The following FAT3 variants were observed in gnomAD, a reference collection of about 807,000 sequenced individuals.
FAT3 encodes FAT atypical cadherin 3.
Under a neutral mutation model 310.2 loss-of-function variants are expected in FAT3, and 95 were observed. The ratio of observed to expected loss-of-function variants is 0.31; its 90% CI spans 0.26 to 0.36. The LOEUF is 0.36. FAT3 is among the 10% of genes least tolerant of loss of function. The pLI, the probability that FAT3 is intolerant of heterozygous loss-of-function variation, is 1.00. For missense variants in FAT3, 5,408 were observed against 5,715.6 expected (o/e 0.95, Z 1.74); for synonymous variants, 2,314 against 2,192.9 (o/e 1.06, Z -1.54).
rs1387778812 is a variant in FAT3 at position 92,867,183 on chromosome 11, G to A, written c.12101G>A (p.Gly4034Asp). 8.8e-6 allele frequency: 14 copies of A among 1,586,428 alleles called. No individual in the cohort carries two copies. The highest frequency in any genetic ancestry group is 2.3e-5 in the East Asian group (1 of 43,904). Residue 4034 changes from glycine (G) to aspartate (D), a missense_variant, in exon 22 of 28, where the codon GGC becomes GAC. Physicochemically the swap from Gly to Asp is moderately conservative, Grantham distance 94. Coordinates refer to ENST00000525166, the MANE Select transcript of FAT3 (RefSeq NM_001367949.2). ...ACKRSPCQHGGSCTGLPSGGY... is the reference protein window; with the variant it reads ...ACKRSPCQHGDSCTGLPSGGY... ...AAGCGCAGCCCGTGCCAGCACGGGGGCAGCTGCACTGGCCTGCCATCGGGG... is the reference window on the plus strand; with the variant it reads ...AAGCGCAGCCCGTGCCAGCACGGGGACAGCTGCACTGGCCTGCCATCGGGG...
intron 20 of FAT3, among the ~76,000 whole-genome samples, chr11:92,858,559 A>T (rs1949042585): frequency 6.6e-6 from 1 of 152,234 alleles, no homozygotes; most frequent in Admixed American, 6.5e-5. Context: ...TAAAAAAAAG[A>T]GTAAACTCAG....
chr11:92,591,259 T>C (rs1939410854), intron 3 of FAT3, among the ~76,000 whole-genome samples: 1 of 152,162 alleles, frequency 6.6e-6, no homozygotes, highest in South Asian at 2.1e-4. Flanking sequence ...AAGTTTAATA[T>C]CCCTCTTCTC....
At chr11:92,689,064 G>A (rs1943719256) in intron 3 of FAT3, among the ~76,000 whole-genome samples, 1 of 152,148 alleles carries the variant, frequency 6.6e-6, no homozygotes, top group South Asian at 2.1e-4. Flanking sequence ...TATGTGCCAG[G>A]AACCATGCTA....
chr11:92,357,639 A>C (rs1226086970), intron 2 of FAT3, among the ~76,000 whole-genome samples: 1 of 152,082 alleles, frequency 6.6e-6, no homozygotes, highest in Non-Finnish European at 1.5e-5. Context: ...TGAATCATTC[A>C]CCACTGCTAT....
At chr11:92,371,366 G>T (rs540341368) in intron 2 of FAT3, among the ~76,000 whole-genome samples, 1 of 150,010 alleles carries the variant, frequency 6.7e-6, no homozygotes, top group Non-Finnish European at 1.5e-5. Context: ...GAATCTGAAG[G>T]CTTAATCTTG....
intron 3 of FAT3, among the ~76,000 whole-genome samples, chr11:92,682,229 A>C (rs1943501417): frequency 6.6e-6 from 1 of 152,206 alleles, no homozygotes; most frequent in Non-Finnish European, 1.5e-5. Context: ...AGTAATTTAG[A>C]ATTGTTATGA....
chr11:92,481,916 CATAAA>C (rs1324983944), intron 2 of FAT3, among the ~76,000 whole-genome samples: 2 of 152,118 alleles, frequency 1.3e-5, no homozygotes, highest in African/African-American at 2.4e-5. Flanking sequence ...TGAAAGCACA[CATAAA>C]GTATAATTTA....
intron 22 of FAT3, among the ~76,000 whole-genome samples, chr11:92,876,217 G>C (rs911746777): frequency 1.3e-5 from 2 of 152,094 alleles, no homozygotes; most frequent in Admixed American, 6.5e-5. Context: ...GTCCTGTACT[G>C]TGGTTGTCTA....
At position 92,892,762 on chromosome 11, in the gene FAT3, C is replaced by T. The variant is rs1459951174; in HGVS notation, c.*1649C>T. On this transcript the variant is annotated 3_prime_UTR_variant, in exon 28 of 28. Coordinates refer to ENST00000525166, the MANE Select transcript of FAT3 (RefSeq NM_001367949.2). ...TTTTGTTATAATTTTCCAGAACTTA[C>T]CTCTGTTTTAAAAGTGTGTAATGTT... 1 of 152,162 alleles carries T rather than the reference C, an allele frequency of 6.6e-6. No homozygotes were observed. The highest frequency in any genetic ancestry group is 2.4e-5 in the African/African-American group (1 of 41,432). 9.4% of individuals were successfully genotyped at this position (152,162 alleles called of 1,614,324 possible).
In FAT3 at chr11:92,267,121, C is replaced by A. The variant is rs374597706; in HGVS notation, c.-18+41947C>A. ...TCCTGCCGACTTTTGCACCAACTCG[C>A]TTATTGAAAATGCTTACTCAAAAAG... On this transcript the variant is annotated intron_variant, in intron 1 of 27. Coordinates refer to ENST00000525166, the MANE Select transcript of FAT3 (RefSeq NM_001367949.2). Among the ~76,000 whole-genome samples the A allele has an allele frequency of 6.2e-4, 94 of 152,102 alleles. 1 individual carries two copies. The highest frequency in any genetic ancestry group is 6.8e-3 in the Middle Eastern group (2 of 294).
At chr11:92,720,807 A>C (rs1944838952) in intron 4 of FAT3, among the ~76,000 whole-genome samples, 2 of 152,190 alleles carry the variant, frequency 1.3e-5, no homozygotes, top group South Asian at 4.1e-4. Context: ...ATTAAACTAT[A>C]CCTGTGCTTC....
At chr11:92,257,075 T>A (rs545593407) in intron 1 of FAT3, among the ~76,000 whole-genome samples, 1 of 152,136 alleles carries the variant, frequency 6.6e-6, no homozygotes, top group African/African-American at 2.4e-5. Context: ...TAAAAAAAAA[T>A]ATCCAAATAA....
intron 2 of FAT3, among the ~76,000 whole-genome samples, chr11:92,366,001 C>G (rs1312608301): frequency 2.0e-5 from 3 of 152,206 alleles, no homozygotes; most frequent in African/African-American, 4.8e-5. Context: ...AGCCAGCTCT[C>G]TGGGGTGAGG....
chr11:92,270,572 G>C (rs1946096976), intron 1 of FAT3, among the ~76,000 whole-genome samples: 1 of 151,796 alleles, frequency 6.6e-6, no homozygotes, highest in South Asian at 2.1e-4. Context: ...TGTAATCCCA[G>C]CTACTCAGGA....
At chr11:92,619,739 C>T (rs78178308) in intron 3 of FAT3, among the ~76,000 whole-genome samples, 5,414 of 148,740 alleles carry the variant, frequency 0.036, 327 homozygotes, top group African/African-American at 0.13. Context: ...AATTTGAGTC[C>T]CCTCTCTTCT....
chr11:92,319,910 A>C (rs1230328905), intron 1 of FAT3, among the ~76,000 whole-genome samples: 2 of 152,220 alleles, frequency 1.3e-5, no homozygotes, highest in Non-Finnish European at 2.9e-5. Flanking sequence ...AGGAAGACAG[A>C]GGGAGTTTTT....
At position 92,755,439 on chromosome 11, in the gene FAT3, G is replaced by T. The variant is rs1369665238; in HGVS notation, c.3670-6417G>T. Among the ~76,000 whole-genome samples, 5 of 152,168 alleles carry T rather than the reference G, an allele frequency of 3.3e-5. No homozygotes were observed. In the East Asian group the frequency reaches 9.7e-4, roughly 29 times the overall value. ...GGGTCTCACCATGTTGGCCAGCCTGGTATCGAACTCCTGACCTCTGGTGAT... is the reference window on the plus strand; with the variant it reads ...GGGTCTCACCATGTTGGCCAGCCTGTTATCGAACTCCTGACCTCTGGTGAT... On this transcript the variant is annotated intron_variant, in intron 4 of 27. Transcript: ENST00000525166.
intron 1 of FAT3, among the ~76,000 whole-genome samples, chr11:92,304,924 TA>T (rs1339813109): frequency 1.4e-4 from 22 of 152,284 alleles, no homozygotes; most frequent in Admixed American, 1.2e-3. Context: ...GCATGAAAAC[TA>T]AATGCTAAAT....
intron 22 of FAT3, among the ~76,000 whole-genome samples, chr11:92,875,396 G>A (rs1327762739): frequency 6.8e-6 from 1 of 146,044 alleles, no homozygotes; most frequent in African/African-American, 2.5e-5. Flanking sequence ...CAGGACTGCA[G>A]GAGCCAGACT....
Sources: allele counts gnomAD v4.1 joint callset (sites outside exome capture counted in the v4.1 genomes callset), GRCh38; gene constraint gnomAD v4.1.1; transcripts MANE v1.5; gene names NCBI Gene and HGNC (gene_info 2026-07-23, HGNC 2026-07-21).